Variants in L2HGDH observed in about 807,000 individuals in gnomAD.
L2HGDH encodes the protein L-2-hydroxyglutarate dehydrogenase.
In L2HGDH, 34 loss-of-function variants were observed where a neutral mutation model predicts 51.5. The observed-to-expected ratio is 0.66, with a 90% confidence interval of 0.50 to 0.88. The LOEUF is 0.88. L2HGDH is among the 40% of genes least tolerant of loss of function. The pLI, the probability that L2HGDH is intolerant of heterozygous loss-of-function variation, is 0.00. For missense variants in L2HGDH, 558 were observed against 571.9 expected, an observed-to-expected ratio of 0.98 and a Z score of 0.25; for synonymous variants, 198 against 197.9, an observed-to-expected ratio of 1.00 and a Z score of -0.01.
chr14:50,263,913 T>C (rs1889188973), intron 9 of L2HGDH, among the ~76,000 whole-genome samples: 1 of 151,290 alleles, frequency 6.6e-6, no homozygotes, highest in South Asian at 2.1e-4. Context: ...ATAGCTGGGA[T>C]TACAGGCATG....
rs548472475 is a variant in L2HGDH, at chr14:50,288,521, C to G, written c.541-4488G>C. 5.3e-5 allele frequency among the ~76,000 whole-genome samples: 8 copies of G among 152,312 alleles called. No individual in the cohort carries two copies. The East Asian group carries it at 1.3e-3, about 26-fold the overall frequency. ...TCTCAGCTCACCAAAACCTCTGCCT[C>G]CCTGGTTCAAGCGATTCTCCTGCCT... On this transcript the variant is annotated intron_variant, in intron 4 of 9. Transcript: ENST00000267436.
chr14:50,250,867 T>C (rs577727181), intron 9 of L2HGDH, among the ~76,000 whole-genome samples: 8 of 152,342 alleles, frequency 5.3e-5, no homozygotes, highest in East Asian at 3.9e-4. Flanking sequence ...CCAAGTCCCT[T>C]TGAATACCTG....
chr14:50,264,948 T>C (rs1389924954), intron 9 of L2HGDH, among the ~76,000 whole-genome samples: 1 of 152,244 alleles, frequency 6.6e-6, no homozygotes, highest in Non-Finnish European at 1.5e-5. Context: ...TTAGTTAACA[T>C]AGTGATCAAT....
At chr14:50,267,145 T>TTA (rs1014729370) in intron 8 of L2HGDH, among the ~76,000 whole-genome samples, 7 of 143,378 alleles carry the variant, frequency 4.9e-5, no homozygotes, top group African/African-American at 1.0e-4. Context: ...TTCTTTTTAT[T>TTA]TTTATTTATT....
intron 4 of L2HGDH, among the ~76,000 whole-genome samples, chr14:50,291,102 G>A (rs1215235966): frequency 1.4e-5 from 2 of 146,932 alleles, no homozygotes; most frequent in Non-Finnish European, 3.0e-5. Context: ...GGAGCCTGAG[G>A]CAGGAGAATC....
chr14:50,263,336 A>G (rs1161804881), intron 9 of L2HGDH, among the ~76,000 whole-genome samples: 2 of 152,228 alleles, frequency 1.3e-5, no homozygotes, highest in Non-Finnish European at 2.9e-5. Context: ...TATCCCTTCT[A>G]TTTCAGAAGG....
rs1887854289 is a variant in L2HGDH, at chr14:50,242,784, T to C, written c.*4274A>G. 1 of 985,312 alleles carries C rather than the reference T, an allele frequency of 1.0e-6. No homozygotes were observed. Among genetic ancestry groups the C allele is most frequent in the Non-Finnish European group, 1.2e-6 (1 of 829,942 alleles). The allele number at this position is 985,312 out of a possible 1,614,324, so 61.0% of individuals were successfully genotyped here. ...ACTTTACGATTACAACTCAAAAATGTTTACAAGATCTTTAGATAATAGTGT... is the reference window on the plus strand; with the variant it reads ...ACTTTACGATTACAACTCAAAAATGCTTACAAGATCTTTAGATAATAGTGT... On this transcript the variant is annotated 3_prime_UTR_variant, in exon 10 of 10. Coordinates refer to ENST00000267436, the MANE Select transcript of L2HGDH (RefSeq NM_024884.3).
At position 50,243,683 on chromosome 14, in the gene L2HGDH, ATATT is replaced by A. The variant is rs1345156458; in HGVS notation, c.*3371_*3374del. 7.1e-5 allele frequency: 13 copies of A among 183,762 alleles called. No individual in the cohort carries two copies. The highest frequency in any genetic ancestry group is 9.1e-5 in the Non-Finnish European group (10 of 110,092). The allele number at this position is 183,762 out of a possible 1,614,324, so 11.4% of individuals were successfully genotyped here. A position where few individuals can be genotyped will look rare whatever the true frequency, so the allele number is the denominator to read the frequency against. ...GTATTTTATATATATATATATATAT[ATATT>A]GTTTATTATTATACTTTAAGTTTTA... On this transcript the variant is annotated 3_prime_UTR_variant, in exon 10 of 10. Coordinates refer to ENST00000267436, the MANE Select transcript of L2HGDH (RefSeq NM_024884.3).
intron 1 of L2HGDH, among the ~76,000 whole-genome samples, chr14:50,305,114 T>A (rs1052656484): frequency 7.2e-5 from 11 of 152,208 alleles, no homozygotes; most frequent in African/African-American, 2.7e-4. Context: ...AACTAACACG[T>A]AAGCTTGATA....
At position 50,308,007 on chromosome 14, in the gene L2HGDH, T is replaced by C. The variant is rs73277337; in HGVS notation, c.140+4004A>G. ...CTGCAAAAAGACTCTGTTAAGAGGATAAAAAAACTAAGAAATTGGAAAAAA... is the reference window on the plus strand; with the variant it reads ...CTGCAAAAAGACTCTGTTAAGAGGACAAAAAAACTAAGAAATTGGAAAAAA... On this transcript the variant is annotated intron_variant, in intron 1 of 9. Transcript: ENST00000267436. Among the ~76,000 whole-genome samples the C allele has an allele frequency of 4.8e-3, 732 of 152,202 alleles. 6 individuals are homozygous for C. The highest frequency in any genetic ancestry group is 0.017 in the African/African-American group (695 of 41,546).
intron 6 of L2HGDH, among the ~76,000 whole-genome samples, chr14:50,276,336 C>T (rs1889978558): frequency 6.6e-6 from 1 of 152,210 alleles, no homozygotes; most frequent in African/African-American, 2.4e-5. Flanking sequence ...TTGGCTATGG[C>T]CACATGACTA....
intron 8 of L2HGDH, among the ~76,000 whole-genome samples, chr14:50,265,745 C>A (rs1379144102): frequency 6.6e-6 from 1 of 152,142 alleles, no homozygotes; most frequent in Non-Finnish European, 1.5e-5. Context: ...AAAACACTGT[C>A]TCTACCAAAA....
At chr14:50,281,933 C>T (rs761195855) in intron 5 of L2HGDH, among the ~76,000 whole-genome samples, 3 of 152,170 alleles carry the variant, frequency 2.0e-5, no homozygotes, top group South Asian at 2.1e-4. Flanking sequence ...CTCCACCTCC[C>T]GGGTTCAAGC....
At chr14:50,261,112 G>A (rs567766033) in intron 9 of L2HGDH, among the ~76,000 whole-genome samples, 4 of 149,666 alleles carry the variant, frequency 2.7e-5, no homozygotes, top group Admixed American at 2.0e-4. Context: ...GTGAGACTCC[G>A]TCTAAAAAAA....
At chr14:50,264,923 G>A (rs948208459) in intron 9 of L2HGDH, among the ~76,000 whole-genome samples, 1 of 152,238 alleles carries the variant, frequency 6.6e-6, no homozygotes, top group Non-Finnish European at 1.5e-5. Flanking sequence ...ATGTTTTAAT[G>A]TGCTTATTAC....
At chr14:50,276,535 G>A (rs1380068481) in intron 6 of L2HGDH, among the ~76,000 whole-genome samples, 1 of 151,622 alleles carries the variant, frequency 6.6e-6, no homozygotes, top group Non-Finnish European at 1.5e-5. Context: ...AGGGCCTTTA[G>A]GGAGGTAACT....
At chr14:50,310,921 TTTTTC>T (rs1189437858) in intron 1 of L2HGDH, among the ~76,000 whole-genome samples, 29 of 141,976 alleles carry the variant, frequency 2.0e-4, no homozygotes, top group Admixed American at 2.8e-4. Flanking sequence ...GCCTCTTCTT[TTTTTC>T]TTTTCTTTTC....
chr14:50,286,074 T>C (rs951789042), intron 4 of L2HGDH, among the ~76,000 whole-genome samples: 1 of 152,126 alleles, frequency 6.6e-6, no homozygotes, highest in Non-Finnish European at 1.5e-5. Flanking sequence ...GCATGAACTG[T>C]CCAGGTCAGC....
chr14:50,265,500 A>C lies in L2HGDH; in HGVS notation c.1065-11T>G. ...AGTTTAATCAAGCCACTGAAAACAGAGAAAAAAAATCTTTATGAGAGAAAG... is the reference window on the plus strand; with the variant it reads ...AGTTTAATCAAGCCACTGAAAACAGCGAAAAAAAATCTTTATGAGAGAAAG... On this transcript the variant is annotated splice_polypyrimidine_tract_variant and intron_variant, in intron 8 of 9. Transcript: ENST00000267436. 6.2e-7 allele frequency: 1 copy of C among 1,609,800 alleles called. No homozygotes were observed. The highest frequency in any genetic ancestry group is 8.5e-7 in the Non-Finnish European group (1 of 1,177,290).
Sources: allele counts gnomAD v4.1 joint callset (sites outside exome capture counted in the v4.1 genomes callset), GRCh38; gene constraint gnomAD v4.1.1; transcripts MANE v1.5; gene names NCBI Gene and HGNC (gene_info 2026-07-23, HGNC 2026-07-21).